The following MIS18A variants were observed in gnomAD, a reference collection of about 807,000 sequenced individuals.
MIS18A encodes the protein MIS18 kinetochore protein A.
In MIS18A, 14 loss-of-function variants were observed where a neutral mutation model predicts 25.0. The observed-to-expected ratio is 0.56, with a 90% CI of 0.37 to 0.88. MIS18A has a LOEUF of 0.88. Among genes scored for constraint, MIS18A ranks in the 40% least tolerant of loss-of-function variants. The pLI is 0.00. For missense variants in MIS18A, 292 were observed against 290.8 expected (o/e 1.00, Z -0.03); for synonymous variants, 134 against 118.6 (o/e 1.13, Z -0.84).
chr21:32,158,532 T>C, the MIS18A span, among the ~76,000 whole-genome samples: 1 of 152,008 alleles, frequency 6.6e-6, no homozygotes, highest in African/African-American at 2.4e-5. Context: ...TGGCGTTCAA[T>C]GACACAGTCT....
At chr21:32,222,944 AAAAAAAAAAAG>A in the MIS18A span, among the ~76,000 whole-genome samples, 7 of 150,678 alleles carry the variant, frequency 4.6e-5, no homozygotes, top group Non-Finnish European at 7.4e-5. Flanking sequence ...CAAAAAAAAA[AAAAAAAAAAAG>A]AAAGAAAGAA....
chr21:32,174,049 C>T, the MIS18A span, among the ~76,000 whole-genome samples: 3 of 144,650 alleles, frequency 2.1e-5, no homozygotes, highest in Non-Finnish European at 4.5e-5. Context: ...ACTGCAACTT[C>T]CACCTCCCGG....
chr21:32,268,953 T>TTG lies in MIS18A; in HGVS notation c.*83_*84insCA. ...AATTTTTTTTTTCTTTTTTTTTTTG[T>TTG]AGAGACGACGTCTCACTATGTTGCT... On this transcript the variant is annotated 3_prime_UTR_variant, in exon 5 of 5. Coordinates refer to ENST00000290130, the MANE Select transcript of MIS18A (RefSeq NM_018944.3). The TTG allele has an allele frequency of 2.1e-6, 2 of 954,446 alleles. No individual in the cohort carries two copies. The highest frequency in any genetic ancestry group is 2.5e-5 in the East Asian group (1 of 39,588). 59.1% of individuals were successfully genotyped at this position (954,446 alleles called of 1,614,324 possible).
chr21:32,192,239 C>T, the MIS18A span, among the ~76,000 whole-genome samples: 1 of 152,292 alleles, frequency 6.6e-6, no homozygotes, highest in Middle Eastern at 3.4e-3. Context: ...TGGCATTTGC[C>T]CTGTGGATGT....
At chr21:32,178,535 C>T in the MIS18A span, among the ~76,000 whole-genome samples, 1 of 152,152 alleles carries the variant, frequency 6.6e-6, no homozygotes, top group African/African-American at 2.4e-5. Context: ...TCTAGGTTTA[C>T]AATTATTTCT....
the MIS18A span, among the ~76,000 whole-genome samples, chr21:32,160,833 G>A: frequency 2.6e-5 from 4 of 152,034 alleles, no homozygotes; most frequent in Non-Finnish European, 4.4e-5. Context: ...GTTTCTCCAC[G>A]TTGGTCAGAC....
rs2031648699 is a variant in MIS18A, at chr21:32,268,642, A to C, written c.*395T>G. On this transcript the variant is annotated 3_prime_UTR_variant, in exon 5 of 5. Transcript: ENST00000290130. The stretch of plus-strand genomic sequence containing the variant: ...AAATAAATGTGATACAGAGGAAAAA[A>C]AGTTCAGAAAATTATCCCAGTTTCT... The C allele has an allele frequency of 6.5e-6, 1 of 154,184 alleles. No homozygotes were observed. The highest frequency in any genetic ancestry group is 2.1e-4 in the South Asian group (1 of 4,846). The allele number at this position is 154,184 out of a possible 1,614,324, so 9.6% of individuals were successfully genotyped here.
At chr21:32,211,993 G>C in the MIS18A span, among the ~76,000 whole-genome samples, 1 of 152,104 alleles carries the variant, frequency 6.6e-6, no homozygotes, top group Admixed American at 6.5e-5. Flanking sequence ...ATGCATTTGA[G>C]GGACTACATG....
the MIS18A span, among the ~76,000 whole-genome samples, chr21:32,176,400 T>C: frequency 1.3e-5 from 2 of 152,224 alleles, no homozygotes; most frequent in Non-Finnish European, 2.9e-5. Context: ...TCACTGTATA[T>C]GCAAACTATC....
intron 4 of MIS18A, 91 bp from the exon 5 acceptor site, chr21:32,269,208 C>A (rs1379959025): frequency 3.2e-6 from 3 of 939,394 alleles, no homozygotes; most frequent in African/African-American, 3.3e-5. Context: ...ACACTTAATG[C>A]AATTTTGGAT....
chr21:32,200,630 GAGT>G, the MIS18A span, among the ~76,000 whole-genome samples: 1 of 151,976 alleles, frequency 6.6e-6, no homozygotes, highest in Non-Finnish European at 1.5e-5. Flanking sequence ...AGTAGAGACA[GAGT>G]TTCACTGTGT....
the MIS18A span, among the ~76,000 whole-genome samples, chr21:32,180,432 T>C: frequency 1.3e-5 from 2 of 152,318 alleles, no homozygotes; most frequent in Non-Finnish European, 2.9e-5. Context: ...TTGACCATCC[T>C]TTTCCCTTCC....
At chr21:32,197,484 G>GT in the MIS18A span, among the ~76,000 whole-genome samples, 4 of 152,202 alleles carry the variant, frequency 2.6e-5, no homozygotes, top group Non-Finnish European at 4.4e-5. Flanking sequence ...AAGAAGAAAG[G>GT]TTTTTTAATG....
the MIS18A span, among the ~76,000 whole-genome samples, chr21:32,178,955 T>G: frequency 1.3e-5 from 2 of 152,138 alleles, no homozygotes; most frequent in African/African-American, 4.8e-5. Context: ...AGCTGCTTCA[T>G]CTGCTGTTTA....
the MIS18A span, among the ~76,000 whole-genome samples, chr21:32,210,187 C>T: frequency 1.6e-4 from 24 of 152,174 alleles, no homozygotes. Flanking sequence ...AGTTACTTAA[C>T]CTTTTCTTGC....
the MIS18A span, among the ~76,000 whole-genome samples, chr21:32,175,966 C>T: frequency 1.3e-5 from 2 of 151,928 alleles, no homozygotes; most frequent in African/African-American, 2.4e-5. Context: ...TGAGCCTAGG[C>T]CTACACAGAG....
At chr21:32,259,327 A>AG in the MIS18A span, among the ~76,000 whole-genome samples, 1 of 152,184 alleles carries the variant, frequency 6.6e-6, no homozygotes, top group South Asian at 2.1e-4. Context: ...TTGGCCTCCC[A>AG]GGGGTTACAA....
the MIS18A span, among the ~76,000 whole-genome samples, chr21:32,198,634 G>C: frequency 5.3e-5 from 8 of 152,358 alleles, no homozygotes; most frequent in East Asian, 1.5e-3. Flanking sequence ...CAGTGGAAGA[G>C]TGAGGGGCTG....
chr21:32,163,925 T>A, the MIS18A span, among the ~76,000 whole-genome samples: 1 of 152,082 alleles, frequency 6.6e-6, no homozygotes, highest in Non-Finnish European at 1.5e-5. Context: ...TTGTTTCTGG[T>A]GAGGCCTCAG....
Sources: gnomAD v4.1 joint callset for allele counts (sites outside exome capture counted in the v4.1 genomes callset) on GRCh38, gnomAD v4.1.1 for gene constraint, MANE v1.5 for transcripts, NCBI Gene and HGNC (gene_info 2026-07-23, HGNC 2026-07-21) for gene names.